The following GSN variants were observed in gnomAD, a reference collection of about 807,000 sequenced individuals.
The protein encoded by GSN is actin-depolymerizing factor.
A neutral mutation model predicts 85.7 loss-of-function variants in GSN; 56 were observed. That is an observed-to-expected ratio of 0.65 (90% confidence interval 0.53 to 0.82). The LOEUF (loss-of-function observed/expected upper bound fraction) is 0.82. Ranked by LOEUF, GSN falls within the 40% of genes least tolerant of loss-of-function variation. GSN has a pLI of 0.00. For synonymous variants in GSN, 373 were observed against 399.1 expected (o/e 0.93, Z 0.78); for missense variants, 857 against 979.8 (o/e 0.87, Z 1.67).
At chr9:121,307,853 G>A (rs977752109) in intron 4 of GSN, among the ~76,000 whole-genome samples, 1 of 151,952 alleles carries the variant, frequency 6.6e-6, no homozygotes, top group South Asian at 2.1e-4. Context: ...GTCTTTCTGC[G>A]CTTCCCCTGC....
intron 16 of GSN, 73 bp from the exon 17 acceptor site, chr9:121,331,315 T>A (rs2063860423): frequency 7.7e-6 from 7 of 905,858 alleles, no homozygotes; most frequent in Non-Finnish European, 1.1e-5. Flanking sequence ...ACCTGGCCCC[T>A]CCCCAGTCTT....
chr9:121,262,567 A>G (rs2055110130), intron 6 of GSN, among the ~76,000 whole-genome samples: 1 of 152,198 alleles, frequency 6.6e-6, no homozygotes, highest in South Asian at 2.1e-4. Flanking sequence ...TCTTTCCTGA[A>G]AAATCTAACC....
chr9:121,273,910 C>T (rs1263581179), intron 1 of GSN, among the ~76,000 whole-genome samples: 1 of 152,172 alleles, frequency 6.6e-6, no homozygotes, highest in Non-Finnish European at 1.5e-5. Context: ...AGAACCAAGA[C>T]TGGGGCTCCC....
chr9:121,249,685 G>T (rs1049321942), intron 6 of GSN, among the ~76,000 whole-genome samples: 2 of 152,092 alleles, frequency 1.3e-5, no homozygotes, highest in African/African-American at 4.8e-5. Context: ...GTTTTCTGGT[G>T]TCTGATTCCT....
intron 11 of GSN, among the ~76,000 whole-genome samples, chr9:121,323,065 A>G (rs908490828): frequency 1.3e-5 from 2 of 152,074 alleles, no homozygotes; most frequent in African/African-American, 2.4e-5. Context: ...GAACTCCTCT[A>G]AGCGATCTGC....
At chr9:121,220,767 C>T (rs533068613) in intron 4 of GSN, among the ~76,000 whole-genome samples, 1 of 152,348 alleles carries the variant, frequency 6.6e-6, no homozygotes, top group East Asian at 1.9e-4. Context: ...CAATTCCAAT[C>T]TCCCTTTCTA....
chr9:121,302,721 C>T (rs559714995), intron 3 of GSN, among the ~76,000 whole-genome samples, 190 bp from the exon 4 acceptor site: 6 of 152,228 alleles, frequency 3.9e-5, no homozygotes, highest in South Asian at 2.1e-4. Context: ...GCTGGGAGGA[C>T]GCTTAGAGAA....
At chr9:121,313,745 G>A (rs1208555220) in intron 6 of GSN, 189 bp from the exon 7 acceptor site, 5 of 632,586 alleles carry the variant, frequency 7.9e-6, no homozygotes, top group Non-Finnish European at 1.4e-5. Flanking sequence ...AGGGAGACAA[G>A]GTGGAAGGGA....
chr9:121,299,776 G>A lies in GSN; in HGVS notation c.-9-2187G>A. On this transcript the variant is annotated intron_variant, in intron 2 of 17. Coordinates refer to ENST00000432226, the MANE Select transcript of GSN (RefSeq NM_198252.3). The surrounding 1 kb of genome is among the most constrained non-coding windows in gnomAD (Gnocchi z 4.2). The stretch of plus-strand genomic sequence containing the variant: ...CGCCCTCCCTGGGGGGCGGTCCCCG[G>A]CTTGGGCGGGATGGGCGGGCGGCTA... 8.2e-7 allele frequency: 1 copy of A among 1,219,468 alleles called. No homozygotes were observed. The highest frequency in any genetic ancestry group is 2.3e-5 in the South Asian group (1 of 44,410). 75.5% of individuals were successfully genotyped at this position (1,219,468 alleles called of 1,614,324 possible).
chr9:121,224,367 G>A (rs886887375), intron 4 of GSN, among the ~76,000 whole-genome samples: 2 of 152,152 alleles, frequency 1.3e-5, no homozygotes, highest in Non-Finnish European at 2.9e-5. Flanking sequence ...CCAAAGTGCT[G>A]GGATTACAGG....
chr9:121,256,919 G>A (rs1385977202), intron 6 of GSN, among the ~76,000 whole-genome samples: 1 of 151,864 alleles, frequency 6.6e-6, no homozygotes, highest in East Asian at 1.9e-4. Context: ...AAAGGAATAA[G>A]TTCTAGAATT....
intron 4 of GSN, among the ~76,000 whole-genome samples, chr9:121,216,567 C>T (rs1165057957): frequency 6.6e-6 from 1 of 152,200 alleles, no homozygotes. Flanking sequence ...TCCTTCATGG[C>T]CCAGCTCAAA....
intron 5 of GSN, among the ~76,000 whole-genome samples, chr9:121,236,339 C>G (rs1425127129): frequency 6.6e-6 from 1 of 152,080 alleles, no homozygotes; most frequent in Admixed American, 6.5e-5. Context: ...CCTGCCTCAG[C>G]CTCCCAAGTA....
chr9:121,267,993 G>A (rs1437102159), upstream of GSN: 2 of 152,190 alleles, frequency 1.3e-5, no homozygotes, highest in Non-Finnish European at 2.9e-5. Context: ...GTGAAGCGAG[G>A]GGTCCCCCTG....
At chr9:121,279,679 G>GTACTTGGGTGCA (rs2057109840) in intron 1 of GSN, among the ~76,000 whole-genome samples, 1 of 152,068 alleles carries the variant, frequency 6.6e-6, no homozygotes, top group Non-Finnish European at 1.5e-5. Context: ...AGTAGGGGAG[G>GTACTTGGGTGCA]AGCACATTGT....
intron 4 of GSN, among the ~76,000 whole-genome samples, chr9:121,214,259 TTC>T (rs1345403157): frequency 3.9e-5 from 6 of 151,942 alleles, no homozygotes; most frequent in Non-Finnish European, 8.8e-5. Context: ...CTCTCTTTCC[TTC>T]TTTTTCTCTC....
At chr9:121,314,249 G>A (rs1341647808) in intron 7 of GSN, among the ~76,000 whole-genome samples, 1 of 152,240 alleles carries the variant, frequency 6.6e-6, no homozygotes, top group Non-Finnish European at 1.5e-5. Context: ...CATACATGAG[G>A]TCTCTCTGAG....
At chr9:121,262,408 A>G (rs1363682582) in intron 6 of GSN, among the ~76,000 whole-genome samples, 1 of 152,260 alleles carries the variant, frequency 6.6e-6, no homozygotes, top group African/African-American at 2.4e-5. Context: ...GGCAATTGTC[A>G]AGCTTAATTG....
chr9:121,289,497 G>T (rs2058479894), intron 2 of GSN, among the ~76,000 whole-genome samples: 1 of 152,208 alleles, frequency 6.6e-6, no homozygotes, highest in Non-Finnish European at 1.5e-5. Context: ...GAGAGAACCT[G>T]CTGCTGTTAA....
Sources: allele counts gnomAD v4.1 joint callset (sites outside exome capture counted in the v4.1 genomes callset), GRCh38; gene constraint gnomAD v4.1.1; non-coding constraint Gnocchi (gnomAD v3.1); transcripts MANE v1.5; gene names NCBI Gene and HGNC (gene_info 2026-07-23, HGNC 2026-07-21).